The following COX16 variants were observed in gnomAD, a reference collection of about 807,000 sequenced individuals.
COX16 encodes cytochrome c oxidase assembly protein COX16 homolog, mitochondrial.
A neutral mutation model predicts 15.4 loss-of-function variants in COX16; 12 were observed. That is an observed-to-expected ratio of 0.78 (90% confidence interval 0.50 to 1.26). The LOEUF (loss-of-function observed/expected upper bound fraction) is 1.26. Among genes scored for constraint, COX16 ranks in the 50% most tolerant of loss-of-function variants. COX16 has a pLI of 0.00. For synonymous variants in COX16, 46 were observed against 41.1 expected (o/e 1.12, Z -0.46); for missense variants, 124 against 127.6 (o/e 0.97, Z 0.14).
intron 2 of COX16, among the ~76,000 whole-genome samples, chr14:70,339,321 A>G (rs925445662): frequency 6.6e-6 from 1 of 152,170 alleles, no homozygotes; most frequent in Non-Finnish European, 1.5e-5. Context: ...TAAAACTTGA[A>G]AGCTGTTGCT....
At chr14:70,337,236 T>C (rs1053416185) in intron 2 of COX16, among the ~76,000 whole-genome samples, 7 of 152,124 alleles carry the variant, frequency 4.6e-5, no homozygotes, top group African/African-American at 7.2e-5. Flanking sequence ...TCCTGGAGTA[T>C]CAATTTAAAG....
chr14:70,331,709 A>G (rs969082507), intron 2 of COX16, among the ~76,000 whole-genome samples: 3 of 152,236 alleles, frequency 2.0e-5, no homozygotes, highest in Admixed American at 6.5e-5. Context: ...ATTCTGAAAA[A>G]CAGTTTGGAA....
In COX16 at chr14:70,352,645, C is replaced by CT. The variant is rs576495712; in HGVS notation, c.69+6873dup. ...AACACAAATATATTTCTTTTTTTTT[C>CT]TTTTTTTTTTTTTTTTTTGAGACAG... On this transcript the variant is annotated intron_variant, in intron 1 of 3. Transcript: ENST00000389912. Among the ~76,000 whole-genome samples, 298 of 84,492 alleles carry CT rather than the reference C, an allele frequency of 3.5e-3. 2 individuals are homozygous for CT. The highest frequency in any genetic ancestry group is 5.0e-3 in the South Asian group (12 of 2,414). The allele number at this position is 84,492 out of a possible 152,430, so 55.4% of individuals were successfully genotyped here.
chr14:70,326,511 G>T, intron 3 of COX16, 62 bp from the exon 4 acceptor site: 1 of 1,317,632 alleles, frequency 7.6e-7, no homozygotes, highest in Non-Finnish European at 1.0e-6. Flanking sequence ...CTTTGATTAG[G>T]ACACAACTAA....
intron 2 of COX16, among the ~76,000 whole-genome samples, chr14:70,332,923 T>C (rs1405691691): frequency 3.9e-5 from 6 of 152,208 alleles, no homozygotes; most frequent in Non-Finnish European, 7.3e-5. Flanking sequence ...AGTACCTACC[T>C]TGGATCTTCC....
chr14:70,335,772 A>G (rs1423030012), intron 2 of COX16, among the ~76,000 whole-genome samples: 1 of 152,228 alleles, frequency 6.6e-6, no homozygotes, highest in Non-Finnish European at 1.5e-5. Flanking sequence ...GGCTCTTTAC[A>G]GGAAAAGCTT....
At chr14:70,349,600 T>C (rs1271311583) in intron 1 of COX16, among the ~76,000 whole-genome samples, 1 of 152,206 alleles carries the variant, frequency 6.6e-6, no homozygotes, top group Non-Finnish European at 1.5e-5. Flanking sequence ...AACTCTGTCC[T>C]TAAAGCCCAA....
chr14:70,357,963 T>A (rs1157662234), intron 1 of COX16, among the ~76,000 whole-genome samples: 1 of 152,226 alleles, frequency 6.6e-6, no homozygotes, highest in East Asian at 1.9e-4. Context: ...AGCAGCATTA[T>A]TCATAATAGT....
intron 1 of COX16, among the ~76,000 whole-genome samples, chr14:70,353,941 C>A (rs1023412433): frequency 1.1e-4 from 17 of 152,026 alleles, no homozygotes; most frequent in African/African-American, 3.6e-4. Flanking sequence ...TTATGAATTT[C>A]ATTTTTTTTC....
At chr14:70,331,565 CA>C (rs1411651215) in intron 2 of COX16, among the ~76,000 whole-genome samples, 2 of 152,124 alleles carry the variant, frequency 1.3e-5, no homozygotes, top group Non-Finnish European at 2.9e-5. Flanking sequence ...AATTTAAATT[CA>C]CCTCATAATT....
In COX16 at chr14:70,340,744, G is replaced by A. The variant is rs71423396; in HGVS notation, c.141+1914C>T. On this transcript the variant is annotated intron_variant, in intron 2 of 3. Transcript: ENST00000389912. ...AGAGTTAGTTCTAAAATGAAACACT[G>A]ACCATGTGCCCAATAATCCCTCTAC... 8.7e-3 allele frequency among the ~76,000 whole-genome samples: 1,327 copies of A among 152,146 alleles called. 6 individuals are homozygous for A. The highest frequency in any genetic ancestry group is 0.013 in the Non-Finnish European group (871 of 67,996).
At chr14:70,340,622 C>T (rs1368506982) in intron 2 of COX16, among the ~76,000 whole-genome samples, 1 of 152,062 alleles carries the variant, frequency 6.6e-6, no homozygotes. Flanking sequence ...ATGCTACTGC[C>T]CCAGAATCCT....
chr14:70,346,914 C>G (rs898517031), intron 1 of COX16, among the ~76,000 whole-genome samples: 3 of 152,078 alleles, frequency 2.0e-5, no homozygotes, highest in African/African-American at 7.3e-5. Flanking sequence ...GCACATTCCC[C>G]ATAGTACCCA....
intron 2 of COX16, among the ~76,000 whole-genome samples, chr14:70,330,767 C>T (rs1886257737): frequency 6.6e-6 from 1 of 152,114 alleles, no homozygotes; most frequent in Non-Finnish European, 1.5e-5. Flanking sequence ...CACAGAAGAG[C>T]AGTCACGAAA....
At chr14:70,348,786 GCT>G (rs569009801) in intron 1 of COX16, among the ~76,000 whole-genome samples, 170 of 152,256 alleles carry the variant, frequency 1.1e-3, no homozygotes, top group African/African-American at 3.9e-3. Flanking sequence ...GTCATAAATG[GCT>G]CTCTTACCAG....
rs766008013 is a variant in COX16 at position 70,341,945 on chromosome 14, T to C, written c.141+713A>G. Among the ~76,000 whole-genome samples, 9 of 152,096 alleles carry C rather than the reference T, an allele frequency of 5.9e-5. 1 individual carries two copies. Among genetic ancestry groups the C allele is most frequent in the Middle Eastern group, 6.3e-3 (2 of 316 alleles). Reference sequence around the variant, plus strand: ...AGCTGTCTTTATTTATACTGAAAAATAGTTTTCCTTTTAGTAACAGTTATT... The same window carrying C: ...AGCTGTCTTTATTTATACTGAAAAACAGTTTTCCTTTTAGTAACAGTTATT... On this transcript the variant is annotated intron_variant, in intron 2 of 3. Coordinates refer to ENST00000389912, the MANE Select transcript of COX16 (RefSeq NM_016468.7).
intron 2 of COX16, among the ~76,000 whole-genome samples, chr14:70,341,461 T>G (rs907568752): frequency 6.6e-6 from 1 of 152,114 alleles, no homozygotes; most frequent in Non-Finnish European, 1.5e-5. Context: ...ACTACAAATA[T>G]CAGATATGTG....
intron 2 of COX16, among the ~76,000 whole-genome samples, chr14:70,334,270 C>T (rs975505370): frequency 1.3e-5 from 2 of 152,138 alleles, no homozygotes; most frequent in African/African-American, 4.8e-5. Flanking sequence ...CATCTGTAAT[C>T]CCAGCATCCT....
chr14:70,345,504 A>T (rs1189222186), intron 1 of COX16, among the ~76,000 whole-genome samples: 1 of 152,192 alleles, frequency 6.6e-6, no homozygotes, highest in Non-Finnish European at 1.5e-5. Context: ...AGGCTGCTTC[A>T]TAAAAAACCT....
Sources: gnomAD v4.1 joint callset for allele counts (sites outside exome capture counted in the v4.1 genomes callset) on GRCh38, gnomAD v4.1.1 for gene constraint, MANE v1.5 for transcripts, NCBI Gene and HGNC (gene_info 2026-07-23, HGNC 2026-07-21) for gene names.